XPO6: variants seen among roughly 807,000 people sequenced by gnomAD.
The protein encoded by XPO6 is exportin 6.
A neutral mutation model predicts 130.0 loss-of-function variants in XPO6; 3 were observed. The observed-to-expected ratio is 0.02, with a 90% CI of 0.01 to 0.06. The LOEUF is 0.06. Ranked by LOEUF, XPO6 falls within the 10% of genes least tolerant of loss-of-function variation. The probability of loss-of-function intolerance (pLI) is 1.00; values close to 1 mark genes in which losing one functional copy is unlikely to be tolerated. For synonymous variants in XPO6, 524 were observed against 548.9 expected (o/e 0.95, Z 0.63); for missense variants, 970 against 1,393.0 (o/e 0.70, Z 4.83).
chr16:28,104,037 G>A (rs546765551), intron 21 of XPO6, among the ~76,000 whole-genome samples: 4 of 152,330 alleles, frequency 2.6e-5, no homozygotes, highest in Non-Finnish European at 5.9e-5. Flanking sequence ...GTCTTCCACA[G>A]CAAGGGGTAT....
At chr16:28,098,693 CA>C in intron 23 of XPO6, 54 bp from the exon 24 acceptor site, 1 of 1,319,162 alleles carries the variant, frequency 7.6e-7, no homozygotes. Context: ...ACCCACCCAC[CA>C]GACCCCAACA....
chr16:28,208,633 T>C (rs1339037135), intron 1 of XPO6, among the ~76,000 whole-genome samples: 1 of 152,348 alleles, frequency 6.6e-6, no homozygotes, highest in Non-Finnish European at 1.5e-5. Context: ...ATGGAGTTCA[T>C]GAAGCCAACT....
intron 21 of XPO6, among the ~76,000 whole-genome samples, chr16:28,103,190 C>T (rs2086689898): frequency 6.6e-6 from 1 of 152,186 alleles, no homozygotes; most frequent in Non-Finnish European, 1.5e-5. Context: ...ATTATCTGTC[C>T]CTGTGGTTCT....
At chr16:28,100,520 G>C (rs1420780991) in intron 23 of XPO6, among the ~76,000 whole-genome samples, 1 of 152,262 alleles carries the variant, frequency 6.6e-6, no homozygotes. Flanking sequence ...TGCCACACGT[G>C]GCAAATGAGG....
At chr16:28,188,990 C>A (rs1340585000) in intron 1 of XPO6, among the ~76,000 whole-genome samples, 1 of 152,138 alleles carries the variant, frequency 6.6e-6, no homozygotes, top group African/African-American at 2.4e-5. Context: ...AGGCACAGGT[C>A]TTGCTCTGTC....
At chr16:28,127,257 C>T (rs114694707) in intron 12 of XPO6, among the ~76,000 whole-genome samples, 1 of 152,262 alleles carries the variant, frequency 6.6e-6, no homozygotes, top group African/African-American at 2.4e-5. Context: ...CTCTGCCCAC[C>T]CAAGCTTTGC....
chr16:28,140,194 T>G (rs1243473262), intron 9 of XPO6, among the ~76,000 whole-genome samples: 2 of 143,066 alleles, frequency 1.4e-5, no homozygotes, highest in African/African-American at 5.3e-5. Flanking sequence ...ATCACACCAT[T>G]GCACTCCAGC....
Position 28,101,153 on chromosome 16 carries a change from G to A in XPO6, c.3276+305C>T, listed in dbSNP as rs57528489. On this transcript the variant is annotated intron_variant, in intron 23 of 23. Transcript: ENST00000304658. This position sits in a 1 kb window ranked among gnomAD's most constrained non-coding sequence, Gnocchi z 5.4. Reference sequence around the variant, plus strand: ...GGGCTCATCACCCAGGAGGGAGAACGGCAGGGTCCTGGGTATGAACAAAGA... The same window carrying A: ...GGGCTCATCACCCAGGAGGGAGAACAGCAGGGTCCTGGGTATGAACAAAGA... 0.04 allele frequency: 18,030 copies of A among 452,202 alleles called. 1,398 individuals are homozygous for A. Among genetic ancestry groups the A allele is most frequent in the East Asian group, 0.18 (3,993 of 21,810 alleles). 28.0% of individuals were successfully genotyped at this position (452,202 alleles called of 1,614,324 possible).
intron 4 of XPO6, among the ~76,000 whole-genome samples, chr16:28,172,545 C>T (rs150211404): frequency 0.027 from 4,046 of 152,098 alleles, 88 homozygotes; most frequent in Middle Eastern, 0.061. Context: ...TGTGTGCTGA[C>T]GTATATGCAG....
chr16:28,187,014 A>T (rs907414617), intron 1 of XPO6, among the ~76,000 whole-genome samples: 1 of 152,228 alleles, frequency 6.6e-6, no homozygotes, highest in Non-Finnish European at 1.5e-5. Context: ...TAGCAGTTAC[A>T]TCCTGTAGTC....
chr16:28,210,601 T>C (rs542013214), intron 1 of XPO6, among the ~76,000 whole-genome samples: 3 of 152,220 alleles, frequency 2.0e-5, no homozygotes, highest in Admixed American at 6.5e-5. Context: ...TAGGGGAGTA[T>C]TGAAAGTATC....
intron 3 of XPO6, among the ~76,000 whole-genome samples, chr16:28,176,973 T>G (rs533993951): frequency 6.6e-6 from 1 of 152,188 alleles, no homozygotes; most frequent in Admixed American, 6.5e-5. Flanking sequence ...AGGCAGGGAA[T>G]AGTTACATGT....
chr16:28,139,291 A>G (rs2042841103), intron 9 of XPO6, among the ~76,000 whole-genome samples: 1 of 152,220 alleles, frequency 6.6e-6, no homozygotes, highest in African/African-American at 2.4e-5. Context: ...AGCTACCAAG[A>G]GAGCTCACAG....
intron 1 of XPO6, among the ~76,000 whole-genome samples, chr16:28,183,649 A>G (rs549122313): frequency 1.3e-5 from 2 of 152,324 alleles, no homozygotes; most frequent in East Asian, 3.9e-4. Context: ...AAACTGCTAC[A>G]TAAACCATAA....
At chr16:28,153,667 T>C in intron 7 of XPO6, 3 of 985,288 alleles carry the variant, frequency 3.0e-6, no homozygotes, top group Non-Finnish European at 3.6e-6. Context: ...TACCAAAAGG[T>C]GATTAGAAAA....
chr16:28,104,918 G>A (rs773888564), intron 20 of XPO6, among the ~76,000 whole-genome samples: 40 of 152,238 alleles, frequency 2.6e-4, no homozygotes, highest in Admixed American at 7.8e-4. Context: ...TGGAGTTGGC[G>A]GTTCACACCG....
intron 9 of XPO6, among the ~76,000 whole-genome samples, chr16:28,136,672 T>C (rs7205255): frequency 0.58 from 87,521 of 152,142 alleles, 27,520 homozygotes; most frequent in South Asian, 0.72. Context: ...AGCGGTAGGT[T>C]TGGATATTTC....
chr16:28,174,139 C>T lies in XPO6; in HGVS notation c.405+1759G>A, dbSNP rs79892772. On this transcript the variant is annotated intron_variant, in intron 4 of 23. Coordinates refer to ENST00000304658, the MANE Select transcript of XPO6 (RefSeq NM_015171.4). ...TTGAAGGCAAGTGTATTGGACAGAACGCCAGGGAAGTGTCTCCCACCTCGT... is the reference window on the plus strand; with the variant it reads ...TTGAAGGCAAGTGTATTGGACAGAATGCCAGGGAAGTGTCTCCCACCTCGT... 2.1e-3 allele frequency among the ~76,000 whole-genome samples: 327 copies of T among 152,240 alleles called. 1 individual carries two copies. The highest frequency in any genetic ancestry group is 7.4e-3 in the African/African-American group (307 of 41,550).
intron 4 of XPO6, among the ~76,000 whole-genome samples, chr16:28,174,865 A>G (rs973478830): frequency 1.3e-5 from 2 of 152,196 alleles, no homozygotes; most frequent in East Asian, 1.9e-4. Flanking sequence ...AGCTCAATAC[A>G]TGAAAATGTT....
Sources: allele counts gnomAD v4.1 joint callset (sites outside exome capture counted in the v4.1 genomes callset), GRCh38; gene constraint gnomAD v4.1.1; non-coding constraint Gnocchi (gnomAD v3.1); transcripts MANE v1.5; gene names NCBI Gene and HGNC (gene_info 2026-07-23, HGNC 2026-07-21).